The following PLEKHA8 variants were observed in gnomAD, a reference collection of about 807,000 sequenced individuals.
PLEKHA8 encodes pleckstrin homology domain containing A8.
In PLEKHA8, 36 loss-of-function variants were observed where a neutral mutation model predicts 68.2. That is an observed-to-expected ratio of 0.53 (90% CI 0.40 to 0.70). The LOEUF (loss-of-function observed/expected upper bound fraction) is 0.70, where lower values mean the gene tolerates loss of function less well. PLEKHA8 is among the 30% of genes least tolerant of loss of function. The pLI is 0.00. For missense variants in PLEKHA8, 505 were observed against 615.4 expected, an observed-to-expected ratio of 0.82 and a Z score of 1.90; for synonymous variants, 211 against 216.1, an observed-to-expected ratio of 0.98 and a Z score of 0.20.
At chr7:30,110,888 G>A (rs192938640) in intron 13 of PLEKHA8, among the ~76,000 whole-genome samples, 56 of 150,496 alleles carry the variant, frequency 3.7e-4, no homozygotes, top group Non-Finnish European at 6.8e-4. Context: ...CTTTAATTGT[G>A]GTGTTTTCTT....
In PLEKHA8 at chr7:30,061,931, A is replaced by C; in HGVS notation, c.1133A>C (p.Glu378Ala). Reference sequence around the variant, plus strand: ...CAGAAGTATATAACCAACAAAGAAGAGTTTACCACTCTCCAGAAGATAGTG... The same window carrying C: ...CAGAAGTATATAACCAACAAAGAAGCGTTTACCACTCTCCAGAAGATAGTG... ...VNQKYITNKE[E>A]FTTLQKIVLH... The change falls in exon 11 of 14, where the codon GAG becomes GCG. Residue 378 changes from glutamate (E) to alanine (A), a missense_variant. Physicochemically the swap from Glu to Ala is moderately radical, Grantham distance 107. Transcript: ENST00000449726. The C allele has an allele frequency of 1.2e-6, 2 of 1,614,126 alleles. No homozygotes were observed. The highest frequency in any genetic ancestry group is 1.7e-6 in the Non-Finnish European group (2 of 1,179,998).
chr7:30,108,937 AAAGTT>A (rs1215100083), intron 13 of PLEKHA8, among the ~76,000 whole-genome samples: 1 of 152,214 alleles, frequency 6.6e-6, no homozygotes, highest in Non-Finnish European at 1.5e-5. Flanking sequence ...TCCCACAAAC[AAAGTT>A]AATTCTCATG....
In PLEKHA8 at chr7:30,084,416, T is replaced by G; in HGVS notation, c.*5629T>G. 1.0e-6 allele frequency: 1 copy of G among 985,400 alleles called. No homozygotes were observed. Among genetic ancestry groups the G allele is most frequent in the Non-Finnish European group, 1.2e-6 (1 of 829,926 alleles). The allele number at this position is 985,400 out of a possible 1,614,324, so 61.0% of individuals were successfully genotyped here. A position where few individuals can be genotyped will look rare whatever the true frequency, so the allele number is the denominator to read the frequency against. On this transcript the variant is annotated 3_prime_UTR_variant, in exon 14 of 14. Transcript: ENST00000449726. Reference sequence around the variant, plus strand: ...AACTATAAAAGTGTCAAGTGGCTTGTTAACTTCTTAATTTAATGGACCTTT... The same window carrying G: ...AACTATAAAAGTGTCAAGTGGCTTGGTAACTTCTTAATTTAATGGACCTTT...
Position 30,126,672 on chromosome 7 carries a change from T to C in PLEKHA8, c.1363-2594T>C, listed in dbSNP as rs139921636. Among the ~76,000 whole-genome samples the C allele has an allele frequency of 2.6e-5, 4 of 152,184 alleles. No individual in the cohort carries two copies. The East Asian group carries it at 7.7e-4, about 29-fold the overall frequency. ...CAATTTGCAAAAGAAAGAGGTTTGA[T>C]GGACTCACAGTTCCACATGGCTGGG... On this transcript the variant is annotated intron_variant, in intron 13 of 13. Coordinates refer to the PLEKHA8 transcript ENST00000396257.
chr7:30,079,513 AT>A lies in PLEKHA8; in HGVS notation c.*729del, dbSNP rs1794816815. The A allele has an allele frequency of 1.0e-6, 1 of 974,960 alleles. No individual in the cohort carries two copies. Among genetic ancestry groups the A allele is most frequent in the South Asian group, 4.7e-5 (1 of 21,116 alleles). 60.4% of individuals were successfully genotyped at this position (974,960 alleles called of 1,614,324 possible). ...AGATGACACCTCCCAACTGCCTACC[AT>A]TTACCAGCATGTTCCCCATGCATTA... On this transcript the variant is annotated 3_prime_UTR_variant, in exon 14 of 14. Transcript: ENST00000449726.
At chr7:30,038,926 A>G (rs1250095399) in intron 1 of PLEKHA8, among the ~76,000 whole-genome samples, 1 of 152,162 alleles carries the variant, frequency 6.6e-6, no homozygotes, top group East Asian at 1.9e-4. Flanking sequence ...AAAAAAAAGA[A>G]ATTTTAGTGT....
At chr7:30,115,616 G>A (rs985115766) in intron 13 of PLEKHA8, among the ~76,000 whole-genome samples, 5 of 151,244 alleles carry the variant, frequency 3.3e-5, no homozygotes, top group South Asian at 4.2e-4. Context: ...ATTTATACAT[G>A]CACACATACA....
chr7:30,098,447 G>A (rs1388244599), intron 13 of PLEKHA8, among the ~76,000 whole-genome samples: 1 of 152,262 alleles, frequency 6.6e-6, no homozygotes, highest in African/African-American at 2.4e-5. Flanking sequence ...AGGCAGGCAG[G>A]CCTCCTTGAG....
downstream of PLEKHA8, among the ~76,000 whole-genome samples, chr7:30,092,754 C>G (rs530415062): frequency 1.1e-4 from 17 of 152,332 alleles, no homozygotes; most frequent in African/African-American, 4.1e-4. Flanking sequence ...GGCATATGAT[C>G]CAGAATAGGC....
At chr7:30,032,488 T>C (rs1405353155) in intron 1 of PLEKHA8, among the ~76,000 whole-genome samples, 1 of 152,248 alleles carries the variant, frequency 6.6e-6, no homozygotes, top group East Asian at 1.9e-4. Context: ...GCCTTTATTA[T>C]GCCCATTTTC....
At chr7:30,074,382 G>A (rs1794478959) in intron 13 of PLEKHA8, among the ~76,000 whole-genome samples, 1 of 152,072 alleles carries the variant, frequency 6.6e-6, no homozygotes, top group Non-Finnish European at 1.5e-5. Context: ...AGTAAAAAGT[G>A]TCTGGAATAG....
At chr7:30,040,490 T>A (rs1167191944) in intron 1 of PLEKHA8, among the ~76,000 whole-genome samples, 1 of 152,224 alleles carries the variant, frequency 6.6e-6, no homozygotes, top group African/African-American at 2.4e-5. Flanking sequence ...TTGTCTCCGG[T>A]TGGGCCACTT....
intron 12 of PLEKHA8, among the ~76,000 whole-genome samples, chr7:30,069,963 A>C (rs1242463090): frequency 6.6e-6 from 1 of 152,198 alleles, no homozygotes; most frequent in Non-Finnish European, 1.5e-5. Flanking sequence ...TAGAACATGC[A>C]TGATGATAAT....
At chr7:30,051,399 T>G (rs1435013434) in intron 6 of PLEKHA8, among the ~76,000 whole-genome samples, 1 of 151,950 alleles carries the variant, frequency 6.6e-6, no homozygotes, top group Non-Finnish European at 1.5e-5. Context: ...AAATATGGTT[T>G]TTTTTTTTTA....
chr7:30,086,779 CT>C (rs1795199762), downstream of PLEKHA8, among the ~76,000 whole-genome samples: 1 of 151,608 alleles, frequency 6.6e-6, no homozygotes, highest in Non-Finnish European at 1.5e-5. Context: ...TTATTTTTTT[CT>C]TTCACTCTTG....
At chr7:30,045,516 C>G (rs1255901709) in intron 2 of PLEKHA8, among the ~76,000 whole-genome samples, 3 of 152,184 alleles carry the variant, frequency 2.0e-5, no homozygotes, top group East Asian at 3.8e-4. Context: ...ACTGCAGCAT[C>G]AAACACTTTT....
chr7:30,080,773 G>T lies in PLEKHA8; in HGVS notation c.*1986G>T. On this transcript the variant is annotated 3_prime_UTR_variant, in exon 14 of 14. Coordinates refer to ENST00000449726, the MANE Select transcript of PLEKHA8 (RefSeq NM_001197026.2). ...GCAGTGAGTATAGATCTCCTTCTCT[G>T]ATTAGTATGAATATGATGGCAGGAC... 1.0e-6 allele frequency: 1 copy of T among 985,328 alleles called. No individual in the cohort carries two copies. Among genetic ancestry groups the T allele is most frequent in the South Asian group, 4.7e-5 (1 of 21,284 alleles). 61.0% of individuals were successfully genotyped at this position (985,328 alleles called of 1,614,324 possible).
At position 30,082,865 on chromosome 7, in the gene PLEKHA8, A is replaced by C. The variant is rs1031001133; in HGVS notation, c.*4078A>C. On this transcript the variant is annotated 3_prime_UTR_variant, in exon 14 of 14. Transcript: ENST00000449726. ...AGACGATGATGCGAGGCATTTGGGG[A>C]GCTTCCTGGAGGAAAATTAAGTTTT... 19 of 985,210 alleles carry C rather than the reference A, an allele frequency of 1.9e-5. No homozygotes were observed. In the African/African-American group the frequency reaches 2.8e-4, roughly 15 times the overall value. The allele number at this position is 985,210 out of a possible 1,614,324, so 61.0% of individuals were successfully genotyped here.
At chr7:30,109,845 A>G (rs1796211528) in intron 13 of PLEKHA8, among the ~76,000 whole-genome samples, 1 of 151,496 alleles carries the variant, frequency 6.6e-6, no homozygotes. Context: ...CTAATTTTTA[A>G]ATTTTATGTA....
Sources: gnomAD v4.1 joint callset for allele counts (sites outside exome capture counted in the v4.1 genomes callset) on GRCh38, gnomAD v4.1.1 for gene constraint, MANE v1.5 for transcripts, NCBI Gene and HGNC (gene_info 2026-07-23, HGNC 2026-07-21) for gene names.